The following ADAMTSL3 variants were observed in gnomAD, a reference collection of about 807,000 sequenced individuals.
The protein encoded by ADAMTSL3 is ADAMTS like 3.
ADAMTSL3 carries 128 observed loss-of-function variants against 201.7 expected under a neutral mutation model. That is an observed-to-expected ratio of 0.63 (90% CI 0.55 to 0.73). The LOEUF (loss-of-function observed/expected upper bound fraction) is 0.73. Ranked by LOEUF, ADAMTSL3 falls within the 30% of genes least tolerant of loss-of-function variation. The probability of loss-of-function intolerance (pLI) is 0.00; values close to 1 mark genes in which losing one functional copy is unlikely to be tolerated. For synonymous variants in ADAMTSL3, 738 were observed against 748.4 expected (o/e 0.99, Z 0.23); for missense variants, 1,990 against 2,119.6 (o/e 0.94, Z 1.20).
At chr15:83,821,594 G>A (rs1479717678) in intron 6 of ADAMTSL3, among the ~76,000 whole-genome samples, 1 of 151,112 alleles carries the variant, frequency 6.6e-6, no homozygotes, top group Non-Finnish European at 1.5e-5. Flanking sequence ...CAAGGCAGAA[G>A]AATTTTTCTT....
At chr15:83,724,655 C>G (rs2062147148) in intron 3 of ADAMTSL3, among the ~76,000 whole-genome samples, 1 of 151,970 alleles carries the variant, frequency 6.6e-6, no homozygotes, top group South Asian at 2.1e-4. Flanking sequence ...TTTTATCTAA[C>G]TATATTTTTG....
At position 83,936,684 on chromosome 15, in the gene ADAMTSL3, AGC is replaced by A. The variant is rs2066466181; in HGVS notation, c.2118-5911_2118-5910del. Among the ~76,000 whole-genome samples the A allele has an allele frequency of 1.3e-5, 2 of 151,068 alleles. 1 individual carries two copies. Among genetic ancestry groups the A allele is most frequent in the African/African-American group, 4.9e-5 (2 of 40,404 alleles). On this transcript the variant is annotated intron_variant, in intron 17 of 29. Coordinates refer to ENST00000286744, the MANE Select transcript of ADAMTSL3 (RefSeq NM_207517.3). The stretch of plus-strand genomic sequence containing the variant: ...CAAATGAGACGTAATTAAACTAAAG[AGC>A]TTCTGCACAGCAAAAGAAACTATCA...
In ADAMTSL3 at chr15:83,761,939, T is replaced by C. The variant is rs866682325; in HGVS notation, c.190-11584T>C. Among the ~76,000 whole-genome samples, 7 of 152,278 alleles carry C rather than the reference T, an allele frequency of 4.6e-5. 1 individual carries two copies. The South Asian group carries it at 8.3e-4, about 18-fold the overall frequency. The stretch of plus-strand genomic sequence containing the variant: ...AACCTAGATATTGTCAGGCATGATA[T>C]TGGTTTGTATGGGGATTGTCACTGG... On this transcript the variant is annotated intron_variant, in intron 3 of 29. Transcript: ENST00000286744.
At chr15:83,929,697 C>CACACAA (rs1243575181) in intron 17 of ADAMTSL3, among the ~76,000 whole-genome samples, 1 of 150,744 alleles carries the variant, frequency 6.6e-6, no homozygotes, top group Non-Finnish European at 1.5e-5. Context: ...CACACACACA[C>CACACAA]ACAGAGAGAG....
At chr15:83,785,858 T>G (rs113768470) in intron 4 of ADAMTSL3, among the ~76,000 whole-genome samples, 4 of 152,246 alleles carry the variant, frequency 2.6e-5, no homozygotes, top group African/African-American at 9.6e-5. Context: ...CTTTTTTTCT[T>G]TTTTTGAGAC....
intron 22 of ADAMTSL3, 27 bp downstream of exon 22, chr15:83,988,845 T>C: frequency 5.9e-6 from 8 of 1,362,466 alleles, no homozygotes; most frequent in Non-Finnish European, 7.6e-6. Flanking sequence ...AAATCTAGAA[T>C]GCCTGGTTCT....
intron 2 of ADAMTSL3, among the ~76,000 whole-genome samples, chr15:83,658,592 C>T (rs1595980516): frequency 6.6e-6 from 1 of 152,318 alleles, no homozygotes; most frequent in African/African-American, 2.4e-5. Flanking sequence ...AGCGGCCTCC[C>T]CTCTTCCTGT....
chr15:84,001,966 G>A (rs1391035719), intron 23 of ADAMTSL3, among the ~76,000 whole-genome samples: 1 of 152,150 alleles, frequency 6.6e-6, no homozygotes, highest in Admixed American at 6.5e-5. Flanking sequence ...TAATATATTT[G>A]CCCCAAATCT....
chr15:83,998,177 T>C (rs1237533152), intron 23 of ADAMTSL3, among the ~76,000 whole-genome samples: 19 of 152,068 alleles, frequency 1.2e-4, no homozygotes, highest in Admixed American at 1.2e-3. Context: ...AGAAAGGAAC[T>C]AAATAGGCTG....
At chr15:84,004,485 GAACCAGGAGTA>G (rs754051447) in intron 23 of ADAMTSL3, among the ~76,000 whole-genome samples, 7 of 152,154 alleles carry the variant, frequency 4.6e-5, no homozygotes, top group Non-Finnish European at 7.3e-5. Flanking sequence ...AGGTCAACTA[GAACCAGGAGTA>G]AACCAGGAGT....
In ADAMTSL3 at chr15:83,923,993, G is replaced by C; in HGVS notation, c.2077G>C (p.Ala693Pro). The C allele has an allele frequency of 6.2e-7, 1 of 1,614,136 alleles. No individual in the cohort carries two copies. The highest frequency in any genetic ancestry group is 8.5e-7 in the Non-Finnish European group (1 of 1,180,006). The change falls in exon 17 of 30, where the codon GCC becomes CCC. Residue 693 changes from alanine (A) to proline (P), a missense_variant. Transcript: ENST00000286744. ...SLCDMVHRPP[A>P]MSQACNTEPC... ...GTGTGATATGGTCCACCGTCCTCCA[G>C]CCATGAGCCAGGCCTGTAACACAGA... is the stretch of plus-strand genomic sequence containing the variant.
At chr15:83,702,759 C>G (rs778292206) in intron 2 of ADAMTSL3, among the ~76,000 whole-genome samples, 1 of 152,186 alleles carries the variant, frequency 6.6e-6, no homozygotes, top group Admixed American at 6.5e-5. Flanking sequence ...GCGGGGCCCT[C>G]ATGAAGAACC....
At chr15:83,988,655 T>A in intron 21 of ADAMTSL3, 36 bp from the exon 22 acceptor site, 3 of 1,526,388 alleles carry the variant, frequency 2.0e-6, no homozygotes, top group Non-Finnish European at 2.7e-6. Context: ...AGTTAAATTG[T>A]TATATGAATG....
intron 3 of ADAMTSL3, among the ~76,000 whole-genome samples, chr15:83,734,494 CCT>C (rs2062337735): frequency 2.0e-5 from 3 of 152,154 alleles, no homozygotes; most frequent in Non-Finnish European, 4.4e-5. Flanking sequence ...GTGCAGGTTC[CCT>C]GTGTTTGCAG....
intron 3 of ADAMTSL3, among the ~76,000 whole-genome samples, chr15:83,747,707 C>T (rs1392928526): frequency 6.6e-6 from 1 of 152,094 alleles, no homozygotes; most frequent in Non-Finnish European, 1.5e-5. Flanking sequence ...TACTTTTTGT[C>T]TACTTCGTAA....
intron 17 of ADAMTSL3, among the ~76,000 whole-genome samples, chr15:83,939,374 T>G (rs1278684113): frequency 6.6e-6 from 1 of 152,180 alleles, no homozygotes; most frequent in Non-Finnish European, 1.5e-5. Flanking sequence ...AAATTTAACT[T>G]AATAGATATA....
chr15:84,007,943 A>T (rs1317065314), intron 23 of ADAMTSL3, among the ~76,000 whole-genome samples: 1 of 152,160 alleles, frequency 6.6e-6, no homozygotes, highest in African/African-American at 2.4e-5. Context: ...ATTTATAGCA[A>T]AGTGCCTCAA....
At chr15:83,959,843 A>G (rs2066929914) in intron 19 of ADAMTSL3, among the ~76,000 whole-genome samples, 1 of 152,226 alleles carries the variant, frequency 6.6e-6, no homozygotes, top group Non-Finnish European at 1.5e-5. Flanking sequence ...ACTTTAACTT[A>G]GCAGACACAC....
intron 3 of ADAMTSL3, among the ~76,000 whole-genome samples, chr15:83,729,176 T>A (rs1182411261): frequency 6.6e-6 from 1 of 152,094 alleles, no homozygotes; most frequent in Non-Finnish European, 1.5e-5. Flanking sequence ...GCCTTTAGGA[T>A]CCTTTCTTTA....
Sources: gnomAD v4.1 joint callset for allele counts (sites outside exome capture counted in the v4.1 genomes callset) on GRCh38, gnomAD v4.1.1 for gene constraint, MANE v1.5 for transcripts, NCBI Gene and HGNC (gene_info 2026-07-23, HGNC 2026-07-21) for gene names.